TENM1: variants seen among roughly 807,000 people sequenced by gnomAD.
TENM1 encodes the protein teneurin transmembrane protein 1, also known as teneurin-1.
A neutral mutation model predicts 174.8 loss-of-function variants in TENM1; 35 were observed. The observed-to-expected ratio is 0.20, with a 90% CI of 0.15 to 0.27. The LOEUF (loss-of-function observed/expected upper bound fraction) is 0.27. Among genes scored for constraint, TENM1 ranks in the 10% least tolerant of loss-of-function variants. The pLI is 1.00. For missense variants in TENM1, 1,633 were observed against 2,130.1 expected (o/e 0.77, Z 4.59); for synonymous variants, 781 against 798.7 (o/e 0.98, Z 0.37).
At chrX:124,631,864 G>T (rs1479339067) in intron 11 of TENM1, among the ~76,000 whole-genome samples, 4 of 100,191 alleles carry the variant, frequency 4.0e-5, no homozygotes, top group African/African-American at 1.5e-4. Flanking sequence ...ACTCCAGCCT[G>T]GGCGACAGTA....
chrX:124,638,501 AATCATAT>A (rs1291538109), intron 11 of TENM1, among the ~76,000 whole-genome samples: 6 of 111,117 alleles, frequency 5.4e-5, no homozygotes, highest in Admixed American at 1.9e-4. Context: ...GTATTTATTA[AATCATAT>A]ATAAAGAGGC....
intron 5 of TENM1, among the ~76,000 whole-genome samples, chrX:124,700,152 A>G (rs928121061): frequency 8.9e-6 from 1 of 111,951 alleles, no homozygotes; most frequent in African/African-American, 3.2e-5. Context: ...AGATAAAAAT[A>G]CAAAACCATT....
At chrX:124,922,242 C>G (rs1341928191) in intron 1 of TENM1, among the ~76,000 whole-genome samples, 1 of 111,396 alleles carries the variant, frequency 9.0e-6, no homozygotes, top group Non-Finnish European at 1.9e-5. Flanking sequence ...ATTCCACTGT[C>G]TTCTAGCTTC....
chrX:124,454,632 C>T (rs1354071498), intron 22 of TENM1, among the ~76,000 whole-genome samples: 1 of 111,576 alleles, frequency 9.0e-6, no homozygotes, highest in African/African-American at 3.3e-5. Flanking sequence ...CTCGAACTGA[C>T]CTCAGGTGAT....
chrX:124,988,504 A>G, the TENM1 span, among the ~76,000 whole-genome samples: 1 of 111,923 alleles, frequency 8.9e-6, no homozygotes, highest in Non-Finnish European at 1.9e-5. Flanking sequence ...AAGTTCTTAC[A>G]CTGTTTCAGA....
At chrX:124,387,922 A>G (rs1247559658) in intron 28 of TENM1, among the ~76,000 whole-genome samples, 2 of 112,092 alleles carry the variant, frequency 1.8e-5, no homozygotes, top group African/African-American at 6.5e-5. Context: ...GAAATCCTGA[A>G]TGGGCTTGGA....
At chrX:124,859,875 G>C (rs886470174) in intron 3 of TENM1, among the ~76,000 whole-genome samples, 3 of 112,056 alleles carry the variant, frequency 2.7e-5, no homozygotes, top group Non-Finnish European at 5.6e-5. Flanking sequence ...ATATTTGTGA[G>C]TCATATTTCA....
At chrX:125,058,207 T>TA in the TENM1 span, among the ~76,000 whole-genome samples, 1 of 111,183 alleles carries the variant, frequency 9.0e-6, no homozygotes, top group Non-Finnish European at 1.9e-5. Flanking sequence ...ATAAAATTGA[T>TA]AAAAAAGAAA....
the TENM1 span, among the ~76,000 whole-genome samples, chrX:125,100,101 C>G: frequency 3.5e-4 from 39 of 111,804 alleles, no homozygotes; most frequent in African/African-American, 1.1e-3. Context: ...ATAAACCCAT[C>G]TCCACATTCA....
chrX:124,952,150 A>C (rs934334364), intron 1 of TENM1, among the ~76,000 whole-genome samples: 1 of 111,430 alleles, frequency 9.0e-6, no homozygotes, highest in African/African-American at 3.3e-5. Flanking sequence ...GGGAAGCTGC[A>C]GGAGAAAAAG....
intron 11 of TENM1, among the ~76,000 whole-genome samples, chrX:124,587,778 A>G (rs1388182044): frequency 5.4e-5 from 6 of 111,520 alleles, no homozygotes; most frequent in Non-Finnish European, 1.1e-4. Context: ...GAAAATTTTC[A>G]CAACCTACTC....
At chrX:124,901,223 T>A (rs182936530) in intron 1 of TENM1, among the ~76,000 whole-genome samples, 143 of 111,500 alleles carry the variant, frequency 1.3e-3, no homozygotes, top group African/African-American at 4.3e-3. Context: ...AGGGAAACAT[T>A]TATGGTTGAG....
At chrX:124,585,618 T>A (rs2049482415) in intron 11 of TENM1, among the ~76,000 whole-genome samples, 1 of 110,265 alleles carries the variant, frequency 9.1e-6, no homozygotes, top group South Asian at 3.9e-4. Flanking sequence ...AACATCACAA[T>A]TAAAAGAACT....
rs182913616 is a variant in TENM1, at chrX:124,497,518, G to T, written c.3446-253C>A. On this transcript the variant is annotated intron_variant, in intron 19 of 31. Transcript: ENST00000422452. The stretch of plus-strand genomic sequence containing the variant: ...TAATACAACCAGTCCTTGTAATGTT[G>T]ATTCTAAATGACTCAATAAAGCATT... Among the ~76,000 whole-genome samples, 7 of 110,765 alleles carry T rather than the reference G, an allele frequency of 6.3e-5. No homozygotes were observed. In the East Asian group the frequency reaches 2.0e-3, roughly 32 times the overall value.
intron 3 of TENM1, among the ~76,000 whole-genome samples, chrX:124,842,996 C>T (rs931153380): frequency 9.0e-6 from 1 of 111,127 alleles, no homozygotes; most frequent in African/African-American, 3.3e-5. Context: ...CGATTTCCTA[C>T]ATCATCCTAC....
In TENM1 at chrX:124,661,387, A is replaced by T. The variant is rs188724705; in HGVS notation, c.1169-7604T>A. Among the ~76,000 whole-genome samples the T allele has an allele frequency of 2.8e-4, 31 of 112,303 alleles. 1 individual carries two copies. In the East Asian group the frequency reaches 7.8e-3, roughly 28 times the overall value. The stretch of plus-strand genomic sequence containing the variant: ...TAGTGTGAATTGGCATAGCATATAC[A>T]CAAAAACCATCATGTACTGTCACAA... On this transcript the variant is annotated intron_variant, in intron 6 of 31. Coordinates refer to ENST00000422452, the Ensembl canonical transcript of TENM1.
chrX:124,929,529 A>G (rs2058138492), intron 1 of TENM1, among the ~76,000 whole-genome samples: 1 of 112,121 alleles, frequency 8.9e-6, no homozygotes, highest in African/African-American at 3.2e-5. Context: ...AGCCTCTGGC[A>G]TAAATTGCGA....
intron 8 of TENM1, among the ~76,000 whole-genome samples, 185 bp from the exon 12 acceptor site, chrX:124,646,995 T>C (rs2051176556): frequency 9.0e-6 from 1 of 111,049 alleles, no homozygotes; most frequent in Non-Finnish European, 1.9e-5. Flanking sequence ...TACAAAATTA[T>C]AAAAAGGGCC....
chrX:124,618,917 C>CA (rs1234206297), intron 11 of TENM1, among the ~76,000 whole-genome samples: 1 of 111,047 alleles, frequency 9.0e-6, no homozygotes, highest in African/African-American at 3.3e-5. Flanking sequence ...CCTGTCTCTA[C>CA]AAAAAATTTT....
Sources: allele counts gnomAD v4.1 joint callset (sites outside exome capture counted in the v4.1 genomes callset), GRCh38; gene constraint gnomAD v4.1.1; transcripts MANE v1.5; gene names NCBI Gene and HGNC (gene_info 2026-07-23, HGNC 2026-07-21).